The following SLFN13 variants were observed in gnomAD, a reference collection of about 807,000 sequenced individuals.
SLFN13 encodes the protein schlafen family member 13.
Under a neutral mutation model 50.6 loss-of-function variants are expected in SLFN13, and 43 were observed. That is an observed-to-expected ratio of 0.85 (90% CI 0.67 to 1.09). The LOEUF (loss-of-function observed/expected upper bound fraction) is 1.09, where lower values mean the gene tolerates loss of function less well. Ranked by LOEUF, SLFN13 falls within the 50% of genes least tolerant of loss-of-function variation. The probability of loss-of-function intolerance (pLI) is 0.00; values close to 1 mark genes in which losing one functional copy is unlikely to be tolerated. For missense variants in SLFN13, 881 were observed against 1,071.1 expected, an observed-to-expected ratio of 0.82 and a Z score of 2.48; for synonymous variants, 339 against 386.5, an observed-to-expected ratio of 0.88 and a Z score of 1.44.
Position 35,436,335 on chromosome 17 carries a change from A to T in SLFN13, c.*4260T>A, listed in dbSNP as rs957106939. 1.3e-5 allele frequency: 2 copies of T among 152,140 alleles called. No homozygotes were observed. Among genetic ancestry groups the T allele is most frequent in the Non-Finnish European group, 2.9e-5 (2 of 68,014 alleles). The allele number at this position is 152,140 out of a possible 1,614,324, so 9.4% of individuals were successfully genotyped here. On this transcript the variant is annotated 3_prime_UTR_variant, in exon 6 of 6. Transcript: ENST00000285013. The stretch of plus-strand genomic sequence containing the variant: ...AAAAGATATGAACATTTTTCTAGTT[A>T]CCGTTTTATTACTAGTTTATAATGT...
chr17:35,438,975 A>C lies in SLFN13; in HGVS notation c.*1620T>G, dbSNP rs1184259157. 2.7e-5 allele frequency: 4 copies of C among 149,666 alleles called. No individual in the cohort carries two copies. The highest frequency in any genetic ancestry group is 9.8e-5 in the African/African-American group (4 of 40,662). The allele number at this position is 149,666 out of a possible 1,614,324, so 9.3% of individuals were successfully genotyped here. A position where few individuals can be genotyped will look rare whatever the true frequency, so the allele number is the denominator to read the frequency against. On this transcript the variant is annotated 3_prime_UTR_variant, in exon 6 of 6. Transcript: ENST00000285013. ...TCAGGCTGCAATAACAAAACACTAG[A>C]GACTGGATGGCTGAACCAACAGAAA... is the stretch of plus-strand genomic sequence containing the variant.
chr17:35,445,690 G>A lies in SLFN13; in HGVS notation c.-10C>T, dbSNP rs746168935. On this transcript the variant is annotated 5_prime_UTR_variant, in exon 3 of 6. Coordinates refer to ENST00000285013, the MANE Select transcript of SLFN13 (RefSeq NM_144682.6). ...AGTGATTTGCCTCCATGTTGAACTT[G>A]CACCTTAAAGTATTAGAATATTTGT... 6.4e-7 allele frequency: 1 copy of A among 1,573,716 alleles called. No homozygotes were observed. The highest frequency in any genetic ancestry group is 1.2e-5 in the South Asian group (1 of 85,256).
chr17:35,442,697 C>A (rs1462118287), intron 4 of SLFN13, among the ~76,000 whole-genome samples: 2 of 152,228 alleles, frequency 1.3e-5, no homozygotes, highest in Non-Finnish European at 2.9e-5. Flanking sequence ...CCCGCCTCGG[C>A]CTCCCAAAGT....
chr17:35,436,016 TG>T lies in SLFN13; in HGVS notation c.*4578del, dbSNP rs924101948. Reference sequence around the variant, plus strand: ...GTGTATTATCACTTTTACAAATTGTTGGATTTTGTTTGCTAAAATTTTGTTT... The same window carrying T: ...GTGTATTATCACTTTTACAAATTGTTGATTTTGTTTGCTAAAATTTTGTTT... On this transcript the variant is annotated 3_prime_UTR_variant, in exon 6 of 6. Coordinates refer to ENST00000285013, the MANE Select transcript of SLFN13 (RefSeq NM_144682.6). 3 of 152,148 alleles carry T rather than the reference TG, an allele frequency of 2.0e-5. No homozygotes were observed. The highest frequency in any genetic ancestry group is 7.2e-5 in the African/African-American group (3 of 41,450). The allele number at this position is 152,148 out of a possible 1,614,324, so 9.4% of individuals were successfully genotyped here.
chr17:35,444,428 C>T (rs995626657), intron 3 of SLFN13, among the ~76,000 whole-genome samples, 187 bp downstream of exon 3: 1 of 152,178 alleles, frequency 6.6e-6, no homozygotes, highest in African/African-American at 2.4e-5. Flanking sequence ...TGGGAAATCA[C>T]CATTCACAAA....
At chr17:35,449,245 CAAAAA>C (rs10537503), upstream of SLFN13, among the ~76,000 whole-genome samples, 1 of 140,076 alleles carries the variant, frequency 7.1e-6, no homozygotes, top group African/African-American at 2.6e-5. Context: ...GTTCCCCCTA[CAAAAA>C]AAAAAAAAAA....
At position 35,444,794 on chromosome 17, in the gene SLFN13, G is replaced by T; in HGVS notation, c.887C>A (p.Thr296Asn). Residue 296 changes from threonine (T) to asparagine (N), a missense_variant, in exon 3 of 6, where the codon ACC (threonine) becomes AAC (asparagine). Physicochemically the swap from Thr to Asn is moderately conservative, Grantham distance 65. This residue lies in a region of SLFN13 where 497 missense variants were observed against 518.3 expected (regional missense o/e 0.96). Coordinates refer to ENST00000285013, the MANE Select transcript of SLFN13 (RefSeq NM_144682.6). ...CSSKPRVEYS[T>N]KIVEVFCGKE... Reference sequence around the variant, plus strand: ...CCCACAAAACACTTCTACGATTTTGGTGCTGTACTCTACCCGAGGTTTTGA... The same window carrying T: ...CCCACAAAACACTTCTACGATTTTGTTGCTGTACTCTACCCGAGGTTTTGA... The T allele has an allele frequency of 1.9e-6, 3 of 1,614,152 alleles. No homozygotes were observed. The highest frequency in any genetic ancestry group is 2.5e-6 in the Non-Finnish European group (3 of 1,180,020).
chr17:35,443,663 A>C, intron 4 of SLFN13, 126 bp downstream of exon 4: 21 of 979,492 alleles, frequency 2.1e-5, no homozygotes, highest in Non-Finnish European at 2.9e-5. Context: ...CTCATCCCCA[A>C]GAGGCTTGTG....
chr17:35,441,385 T>A lies in SLFN13; in HGVS notation c.1923-19A>T. The A allele has an allele frequency of 6.3e-7, 1 of 1,581,586 alleles. No individual in the cohort carries two copies. The highest frequency in any genetic ancestry group is 8.6e-7 in the Non-Finnish European group (1 of 1,168,260). ...TCTATCACTGTAAAAATTAAAAGAATACACTCAGGTTTTCTCTAAGAAAAC... is the reference window on the plus strand; with the variant it reads ...TCTATCACTGTAAAAATTAAAAGAAAACACTCAGGTTTTCTCTAAGAAAAC... On this transcript the variant is annotated intron_variant, in intron 5 of 5. Transcript: ENST00000285013.
In SLFN13 at chr17:35,446,710, T is replaced by C. The variant is rs527573873; in HGVS notation, c.-14+558A>G. 7.2e-5 allele frequency: 11 copies of C among 152,318 alleles called. 1 individual carries two copies. In the South Asian group the frequency reaches 2.3e-3, roughly 32 times the overall value. 9.4% of individuals were successfully genotyped at this position (152,318 alleles called of 1,614,324 possible). A position where few individuals can be genotyped will look rare whatever the true frequency, so the allele number is the denominator to read the frequency against. The stretch of plus-strand genomic sequence containing the variant: ...GAGGTAAGGAAGTAGCATCATCAAG[T>C]GTACACCTGCTGTCTTCTTACACCA... On this transcript the variant is annotated intron_variant, in intron 2 of 5. Coordinates refer to ENST00000285013, the MANE Select transcript of SLFN13 (RefSeq NM_144682.6).
At chr17:35,445,796 G>T in intron 2 of SLFN13, 103 bp from the exon 3 acceptor site, 2 of 980,776 alleles carry the variant, frequency 2.0e-6, no homozygotes, top group Non-Finnish European at 2.9e-6. Context: ...TATGTGCTGG[G>T]ATAAGACAAT....
In SLFN13 at chr17:35,441,118, C is replaced by G; in HGVS notation, c.2171G>C (p.Arg724Thr). The G allele has an allele frequency of 6.2e-7, 1 of 1,614,074 alleles. No individual in the cohort carries two copies. The highest frequency in any genetic ancestry group is 8.5e-7 in the Non-Finnish European group (1 of 1,180,008). Residue 724 changes from arginine to threonine, a missense_variant, in exon 6 of 6, where the codon AGA becomes ACA. Around this residue, in one of 5 missense-constraint regions of SLFN13, gnomAD observed 322 missense variants for 327.4 expected, o/e 0.98. Coordinates refer to ENST00000285013, the MANE Select transcript of SLFN13 (RefSeq NM_144682.6). Reference protein sequence around the residue: ...GLPPLSAQYPREELTRVVRNA... With the variant: ...GLPPLSAQYPTEELTRVVRNA... ...GCGAACTACTCTGGTGAGCTCTTCT[C>G]TTGGATACTGTGCTGAGAGAGGGGG...
At chr17:35,449,296 G>A (rs1422557872), upstream of SLFN13, among the ~76,000 whole-genome samples, 1 of 151,372 alleles carries the variant, frequency 6.6e-6, no homozygotes, top group Non-Finnish European at 1.5e-5. Context: ...TTGCTTTCGA[G>A]TGGTTCTTAG....
chr17:35,443,513 C>T (rs983012393), intron 4 of SLFN13, among the ~76,000 whole-genome samples: 2 of 152,164 alleles, frequency 1.3e-5, no homozygotes, highest in Non-Finnish European at 2.9e-5. Flanking sequence ...ATGGCTAGGC[C>T]TTTCCCCTGG....
At position 35,438,399 on chromosome 17, in the gene SLFN13, A is replaced by T. The variant is rs1171858332; in HGVS notation, c.*2196T>A. The T allele has an allele frequency of 6.6e-6, 1 of 152,022 alleles. No homozygotes were observed. The highest frequency in any genetic ancestry group is 2.4e-5 in the African/African-American group (1 of 41,442). 9.4% of individuals were successfully genotyped at this position (152,022 alleles called of 1,614,324 possible). On this transcript the variant is annotated 3_prime_UTR_variant, in exon 6 of 6. Transcript: ENST00000285013. ...AAATTCATAAATATTTATATATTTT[A>T]AAATATGATACTGTTTCAAATATTA...
At position 35,441,143 on chromosome 17, in the gene SLFN13, G is replaced by A. The variant is rs747069579; in HGVS notation, c.2146C>T (p.Pro716Ser). ...QTSHLGHSGL[P>S]PLSAQYPREE... The stretch of plus-strand genomic sequence containing the variant: ...CTTGGATACTGTGCTGAGAGAGGGG[G>A]AAGGCCACTGTGACCCAAGTGACTG... Residue 716 changes from proline (P) to serine (S), a missense_variant, in exon 6 of 6, where the codon CCC becomes TCC. Around this residue, in one of 5 missense-constraint regions of SLFN13, gnomAD observed 322 missense variants for 327.4 expected, o/e 0.98. Transcript: ENST00000285013. 6.2e-7 allele frequency: 1 copy of A among 1,614,054 alleles called. No individual in the cohort carries two copies. Among genetic ancestry groups the A allele is most frequent in the South Asian group, 1.1e-5 (1 of 91,070 alleles).
At position 35,438,560 on chromosome 17, in the gene SLFN13, A is replaced by C; in HGVS notation, c.*2035T>G. 1 of 152,130 alleles carries C rather than the reference A, an allele frequency of 6.6e-6. No homozygotes were observed. The highest frequency in any genetic ancestry group is 1.9e-4 in the East Asian group (1 of 5,194). The allele number at this position is 152,130 out of a possible 1,614,324, so 9.4% of individuals were successfully genotyped here. Reference sequence around the variant, plus strand: ...TTACAAAGATAGCTTTTTGGTGCTGAGCTGTATCTCATTTAATGCAGCCAG... The same window carrying C: ...TTACAAAGATAGCTTTTTGGTGCTGCGCTGTATCTCATTTAATGCAGCCAG... On this transcript the variant is annotated 3_prime_UTR_variant, in exon 6 of 6. Transcript: ENST00000285013.
Position 35,442,083 on chromosome 17 carries a change from T to A in SLFN13, c.1402A>T (p.Ser468Cys). The A allele has an allele frequency of 1.2e-6, 2 of 1,614,114 alleles. No homozygotes were observed. ...ICDALLIAQN[S>C]TPILYTILRE... is the part of the protein sequence containing the mutation. The stretch of plus-strand genomic sequence containing the variant: ...AGAATGGTGTAGAGAATGGGGGTGC[T>A]GTTCTGTGCTATCAGCAGAGCATCA... The change falls in exon 5 of 6, where the codon AGC becomes TGC. Residue 468 changes from serine (S) to cysteine (C), a missense_variant. This residue lies in a region of SLFN13 where 15 missense variants were observed against 29.0 expected (regional missense o/e 0.52). Coordinates refer to ENST00000285013, the MANE Select transcript of SLFN13 (RefSeq NM_144682.6).
At position 35,435,691 on chromosome 17, in the gene SLFN13, G is replaced by A. The variant is rs1217253373; in HGVS notation, c.*4904C>T. 6.6e-6 allele frequency: 1 copy of A among 152,094 alleles called. No homozygotes were observed. Among genetic ancestry groups the A allele is most frequent in the African/African-American group, 2.4e-5 (1 of 41,422 alleles). 9.4% of individuals were successfully genotyped at this position (152,094 alleles called of 1,614,324 possible). Reference sequence around the variant, plus strand: ...GAATGGATGTTGAACTTTATCAAAAGCTTTTTCCTCTATTCAGATGATCAT... The same window carrying A: ...GAATGGATGTTGAACTTTATCAAAAACTTTTTCCTCTATTCAGATGATCAT... On this transcript the variant is annotated 3_prime_UTR_variant, in exon 6 of 6. Transcript: ENST00000285013.
Sources: gnomAD v4.1 joint callset for allele counts (sites outside exome capture counted in the v4.1 genomes callset) on GRCh38, gnomAD v4.1.1 for gene constraint, gnomAD v4.1.1 regional missense constraint, MANE v1.5 for transcripts, NCBI Gene and HGNC (gene_info 2026-07-23, HGNC 2026-07-21) for gene names.